Variants in TENM3 observed in about 807,000 individuals in gnomAD.
TENM3 encodes teneurin-3.
In TENM3, 63 loss-of-function variants were observed where a neutral mutation model predicts 255.1. That is an observed-to-expected ratio of 0.25 (90% confidence interval 0.20 to 0.30). The LOEUF (loss-of-function observed/expected upper bound fraction) is 0.30. TENM3 is among the 10% of genes least tolerant of loss of function. The pLI is 1.00. For missense variants in TENM3, 2,929 were observed against 3,461.1 expected (o/e 0.85, Z 3.86); for synonymous variants, 1,306 against 1,322.3 (o/e 0.99, Z 0.27).
chr4:181,660,639 T>C, the TENM3 span, among the ~76,000 whole-genome samples: 2 of 152,192 alleles, frequency 1.3e-5, no homozygotes, highest in African/African-American at 2.4e-5. Context: ...CTGGAACTTA[T>C]TCCGGCTTGC....
the TENM3 span, among the ~76,000 whole-genome samples, chr4:181,921,250 G>GT: frequency 6.6e-6 from 1 of 152,154 alleles, no homozygotes; most frequent in Admixed American, 6.6e-5. Flanking sequence ...CTTTAAAATA[G>GT]TTTTTTCCAA....
At chr4:181,949,106 GC>G in the TENM3 span, among the ~76,000 whole-genome samples, 5 of 152,032 alleles carry the variant, frequency 3.3e-5, no homozygotes, top group African/African-American at 1.2e-4. Flanking sequence ...AATCATTCCT[GC>G]CTCCAAGCAA....
At chr4:181,965,335 G>GACAA in the TENM3 span, among the ~76,000 whole-genome samples, 2 of 152,132 alleles carry the variant, frequency 1.3e-5, no homozygotes, top group Non-Finnish European at 2.9e-5. Flanking sequence ...GACAACAAAA[G>GACAA]CTCTGAATAT....
At chr4:182,399,840 G>C (rs529472481) in intron 3 of TENM3, among the ~76,000 whole-genome samples, 59 of 152,178 alleles carry the variant, frequency 3.9e-4, no homozygotes, top group African/African-American at 1.4e-3. Flanking sequence ...CACTTCACCT[G>C]ACTACAGTAA....
chr4:181,500,222 T>C, the TENM3 span, among the ~76,000 whole-genome samples: 2 of 150,146 alleles, frequency 1.3e-5, no homozygotes, highest in Non-Finnish European at 3.0e-5. Flanking sequence ...AGAGAGGGGG[T>C]TTCATCATAT....
chr4:181,819,774 G>A, the TENM3 span, among the ~76,000 whole-genome samples: 5,508 of 152,190 alleles, frequency 0.036, 578 homozygotes, highest in East Asian at 0.46. Flanking sequence ...GACAGGAGGC[G>A]GAGCTCAGGC....
At chr4:181,665,170 C>T in the TENM3 span, among the ~76,000 whole-genome samples, 79 of 152,262 alleles carry the variant, frequency 5.2e-4, no homozygotes, top group African/African-American at 1.7e-3. Context: ...GCATACCCTA[C>T]GCACTGAGGC....
At chr4:181,920,845 TC>T in the TENM3 span, among the ~76,000 whole-genome samples, 1 of 152,192 alleles carries the variant, frequency 6.6e-6, no homozygotes, top group African/African-American at 2.4e-5. Flanking sequence ...TAGGTTTTCT[TC>T]TAGGGTTTTT....
At chr4:182,452,593 C>T (rs573833292) in intron 3 of TENM3, among the ~76,000 whole-genome samples, 4 of 152,244 alleles carry the variant, frequency 2.6e-5, no homozygotes, top group African/African-American at 9.6e-5. Context: ...TTTGCTGGAT[C>T]ACTTTGATCT....
chr4:182,032,069 G>C, the TENM3 span, among the ~76,000 whole-genome samples: 63,900 of 151,964 alleles, frequency 0.42, 16,727 homozygotes, highest in African/African-American at 0.75. Context: ...ATTGCCCTAG[G>C]CAGAACTTCC....
intron 1 of TENM3, among the ~76,000 whole-genome samples, chr4:182,226,426 A>C (rs1756161601): frequency 6.6e-6 from 1 of 152,218 alleles, no homozygotes; most frequent in African/African-American, 2.4e-5. Context: ...TTTCTATTTC[A>C]ACAATGCCCA....
chr4:182,127,112 T>C, the TENM3 span, among the ~76,000 whole-genome samples: 4 of 152,166 alleles, frequency 2.6e-5, no homozygotes, highest in Admixed American at 2.6e-4. Context: ...ATAGGGACTT[T>C]CCAGGTAAAT....
intron 3 of TENM3, among the ~76,000 whole-genome samples, chr4:182,568,191 G>T (rs1743990572): frequency 6.6e-6 from 1 of 152,154 alleles, no homozygotes; most frequent in South Asian, 2.1e-4. Flanking sequence ...AGTCATGTAA[G>T]CCAGTATTGT....
chr4:182,364,793 T>C (rs1766312217), intron 3 of TENM3, among the ~76,000 whole-genome samples: 1 of 152,216 alleles, frequency 6.6e-6, no homozygotes, highest in Non-Finnish European at 1.5e-5. Flanking sequence ...TTTCATGCCA[T>C]GATTTATCAT....
intron 1 of TENM3, among the ~76,000 whole-genome samples, chr4:182,259,180 C>A (rs1758624824): frequency 1.3e-5 from 2 of 152,122 alleles, no homozygotes; most frequent in Admixed American, 1.3e-4. Context: ...TTCTGGATAT[C>A]CTGGCTGTTG....
intron 22 of TENM3, among the ~76,000 whole-genome samples, chr4:182,772,127 G>A (rs1476280526): frequency 6.6e-6 from 1 of 151,992 alleles, no homozygotes; most frequent in Admixed American, 6.6e-5. Flanking sequence ...AGTCTTCTCT[G>A]TCTTTATCAC....
At chr4:181,581,753 G>A in the TENM3 span, among the ~76,000 whole-genome samples, 1 of 143,904 alleles carries the variant, frequency 6.9e-6, no homozygotes, top group Non-Finnish European at 1.5e-5. Flanking sequence ...TTTAATTTGC[G>A]ACGGAGTCTC....
intron 3 of TENM3, among the ~76,000 whole-genome samples, chr4:182,404,274 A>G (rs1769404589): frequency 6.6e-6 from 1 of 152,228 alleles, no homozygotes; most frequent in African/African-American, 2.4e-5. Flanking sequence ...AAATGTGAAA[A>G]ATCTATGAAT....
At chr4:182,702,544 G>A (rs1757954672) in intron 12 of TENM3, among the ~76,000 whole-genome samples, 1 of 152,028 alleles carries the variant, frequency 6.6e-6, no homozygotes, top group Non-Finnish European at 1.5e-5. Context: ...TATGTATTGA[G>A]CATTTACTAC....
Sources: gnomAD v4.1 joint callset for allele counts (sites outside exome capture counted in the v4.1 genomes callset) on GRCh38, gnomAD v4.1.1 for gene constraint, MANE v1.5 for transcripts, NCBI Gene and HGNC (gene_info 2026-07-23, HGNC 2026-07-21) for gene names.